The following RGS7 variants were observed in gnomAD, a reference collection of about 807,000 sequenced individuals.
RGS7 encodes regulator of G protein signaling 7, also known as regulator of G-protein signaling 7.
A neutral mutation model predicts 81.1 loss-of-function variants in RGS7; 27 were observed. That is an observed-to-expected ratio of 0.33 (90% CI 0.25 to 0.46). The LOEUF is 0.46. RGS7 is among the 20% of genes least tolerant of loss of function. The pLI is 1.00. For missense variants in RGS7, 396 were observed against 607.4 expected, an observed-to-expected ratio of 0.65 and a Z score of 3.66; for synonymous variants, 208 against 207.7, an observed-to-expected ratio of 1.00 and a Z score of -0.01.
At chr1:240,943,766 G>A (rs1677999724) in intron 4 of RGS7, among the ~76,000 whole-genome samples, 1 of 152,074 alleles carries the variant, frequency 6.6e-6, no homozygotes, top group South Asian at 2.1e-4. Flanking sequence ...CCACACGCTA[G>A]GTTTACAAAA....
intron 6 of RGS7, chr1:240,920,621 C>A: frequency 1.8e-6 from 2 of 1,102,818 alleles, no homozygotes; most frequent in East Asian, 2.4e-5. Context: ...AATTAGGAAA[C>A]AAAGCTTAGC....
chr1:240,907,840 T>C (rs1671073570), intron 6 of RGS7, among the ~76,000 whole-genome samples: 1 of 152,216 alleles, frequency 6.6e-6, no homozygotes, highest in Non-Finnish European at 1.5e-5. Context: ...CATGGCGTCT[T>C]GTCGGCCTTA....
intron 2 of RGS7, among the ~76,000 whole-genome samples, chr1:241,223,964 T>C (rs561634679): frequency 8.3e-4 from 124 of 149,796 alleles, no homozygotes; most frequent in Admixed American, 1.5e-3. Context: ...AGGTCCATTC[T>C]AATCCTAAGA....
intron 3 of RGS7, among the ~76,000 whole-genome samples, chr1:241,059,786 G>GAACATCTATGTAAGGT (rs59919052): frequency 2.5e-3 from 383 of 150,564 alleles, no homozygotes; most frequent in African/African-American, 9.0e-3. Flanking sequence ...AACATCTATT[G>GAACATCTATGTAAGGT]GATAGCACCT....
intron 4 of RGS7, among the ~76,000 whole-genome samples, chr1:240,938,250 T>A (rs188289065): frequency 6.6e-6 from 1 of 152,184 alleles, no homozygotes; most frequent in African/African-American, 2.4e-5. Flanking sequence ...AAGTCATAAA[T>A]AGAGAGGGCC....
intron 18 of RGS7, among the ~76,000 whole-genome samples, chr1:240,777,065 T>TA (rs1683065582): frequency 3.3e-5 from 5 of 152,248 alleles, no homozygotes; most frequent in African/African-American, 1.2e-4. Flanking sequence ...GAGGCTGAGG[T>TA]GGGCAGATCA....
At position 240,948,475 on chromosome 1, in the gene RGS7, T is replaced by A. The variant is rs373248222; in HGVS notation, c.227-11769A>T. 1.4e-4 allele frequency among the ~76,000 whole-genome samples: 21 copies of A among 151,998 alleles called. 1 individual carries two copies. Among genetic ancestry groups the A allele is most frequent in the Admixed American group, 4.6e-4 (7 of 15,248 alleles). On this transcript the variant is annotated intron_variant, in intron 4 of 18. Transcript: ENST00000440928. ...ATTTATTTATTTTTTTGAGACGGAG[T>A]CTGTGTTGCCCAGGCTGGAGTGCAT...
At chr1:241,324,022 A>G (rs1442870380) in intron 2 of RGS7, among the ~76,000 whole-genome samples, 7 of 152,190 alleles carry the variant, frequency 4.6e-5, no homozygotes, top group Non-Finnish European at 8.8e-5. Context: ...TAAAATGGAT[A>G]TAATAGCAAT....
At chr1:240,794,804 G>A (rs1253585685) in intron 18 of RGS7, among the ~76,000 whole-genome samples, 1 of 144,524 alleles carries the variant, frequency 6.9e-6, no homozygotes, top group East Asian at 2.0e-4. Context: ...TGTATGCAGA[G>A]GGGAGTTCCC....
In RGS7 at chr1:240,868,913, T is replaced by C; in HGVS notation, c.451-61A>G. ...TCATTGTCACTGCTCTCTTCTAGCT[T>C]AGTTACCACTTGTATTTGTCAAGGA... On this transcript the variant is annotated intron_variant, in intron 7 of 18. Coordinates refer to ENST00000440928, the MANE Select transcript of RGS7 (RefSeq NM_001364886.1). This position sits in a 1 kb window ranked among gnomAD's most constrained non-coding sequence, Gnocchi z 5.1. The C allele has an allele frequency of 7.0e-7, 1 of 1,423,478 alleles. No homozygotes were observed. 88.2% of individuals were successfully genotyped at this position (1,423,478 alleles called of 1,614,324 possible).
At chr1:240,938,644 C>T (rs984120395) in intron 4 of RGS7, among the ~76,000 whole-genome samples, 4 of 152,174 alleles carry the variant, frequency 2.6e-5, no homozygotes, top group African/African-American at 9.7e-5. Flanking sequence ...TGATCTCTCC[C>T]TGCATTGTTC....
At chr1:240,916,898 G>A (rs757178237) in intron 6 of RGS7, among the ~76,000 whole-genome samples, 3 of 152,090 alleles carry the variant, frequency 2.0e-5, no homozygotes, top group African/African-American at 7.2e-5. Flanking sequence ...CACACAACAA[G>A]GAAACTCAAA....
intron 4 of RGS7, among the ~76,000 whole-genome samples, chr1:240,971,721 T>C (rs1683234841): frequency 6.6e-6 from 1 of 152,242 alleles, no homozygotes; most frequent in South Asian, 2.1e-4. Flanking sequence ...CTATGACTTC[T>C]TGCATATTAT....
chr1:241,002,388 G>C (rs1366744146), intron 3 of RGS7, among the ~76,000 whole-genome samples: 1 of 151,476 alleles, frequency 6.6e-6, no homozygotes, highest in Non-Finnish European at 1.5e-5. Context: ...GGGAGGCGTA[G>C]GTTGCACTGA....
At chr1:240,926,023 G>A (rs1471423078) in intron 6 of RGS7, among the ~76,000 whole-genome samples, 1 of 152,064 alleles carries the variant, frequency 6.6e-6, no homozygotes. Flanking sequence ...TTTGATATTA[G>A]ACCTTTGTCA....
chr1:240,875,773 T>C (rs189485545), intron 6 of RGS7, among the ~76,000 whole-genome samples: 6 of 152,354 alleles, frequency 3.9e-5, no homozygotes, highest in Admixed American at 3.3e-4. Flanking sequence ...GATTTGCATT[T>C]CCCTGATGAT....
intron 6 of RGS7, among the ~76,000 whole-genome samples, chr1:240,921,996 T>A (rs1164454100): frequency 6.6e-6 from 1 of 151,880 alleles, no homozygotes; most frequent in Non-Finnish European, 1.5e-5. Flanking sequence ...CTTCAAAACT[T>A]ACTATAAACC....
At chr1:241,344,021 T>C (rs2082731387) in intron 2 of RGS7, among the ~76,000 whole-genome samples, 1 of 152,208 alleles carries the variant, frequency 6.6e-6, no homozygotes, top group African/African-American at 2.4e-5. Flanking sequence ...TATACCTTTA[T>C]CTTCTTTAAA....
At chr1:241,026,390 C>G (rs899651899) in intron 3 of RGS7, among the ~76,000 whole-genome samples, 2 of 152,074 alleles carry the variant, frequency 1.3e-5, no homozygotes, top group Non-Finnish European at 2.9e-5. Flanking sequence ...GGGTTAGAGA[C>G]CAGCCTGGTC....
Sources: allele counts gnomAD v4.1 joint callset (sites outside exome capture counted in the v4.1 genomes callset), GRCh38; gene constraint gnomAD v4.1.1; non-coding constraint Gnocchi (gnomAD v3.1); transcripts MANE v1.5; gene names NCBI Gene and HGNC (gene_info 2026-07-23, HGNC 2026-07-21).